INSRR: variants seen among roughly 807,000 people sequenced by gnomAD.
INSRR encodes the protein insulin receptor-related protein.
Under a neutral mutation model 130.0 loss-of-function variants are expected in INSRR, and 114 were observed. That is an observed-to-expected ratio of 0.88 (90% CI 0.75 to 1.02). The LOEUF (loss-of-function observed/expected upper bound fraction) is 1.02. Ranked by LOEUF, INSRR falls within the 50% of genes least tolerant of loss-of-function variation. INSRR has a pLI of 0.00. For synonymous variants in INSRR, 674 were observed against 705.2 expected (o/e 0.96, Z 0.70); for missense variants, 1,657 against 1,735.2 (o/e 0.95, Z 0.80).
chr1:156,857,483 T>C (rs910373799), intron 1 of INSRR, among the ~76,000 whole-genome samples: 2 of 152,008 alleles, frequency 1.3e-5, no homozygotes, highest in African/African-American at 4.8e-5. Flanking sequence ...AACATCTGGG[T>C]CCCCTGAGCA....
At position 156,843,036 on chromosome 1, in the gene INSRR, A is replaced by C. The variant is rs1193000618; in HGVS notation, c.3094T>G (p.Ser1032Ala). Residue 1032 changes from serine to alanine, a missense_variant, in exon 17 of 22, where the codon TCT becomes GCT. Coordinates refer to ENST00000368195, the MANE Select transcript of INSRR (RefSeq NM_014215.3). ...RECIEFLKEASVMKAFKCHHV... is the reference protein window; with the variant it reads ...RECIEFLKEAAVMKAFKCHHV... Reference sequence around the variant, plus strand: ...TGACACTTGAAGGCTTTCATGACAGAAGCTTCCTTGAGGAACTCAATGCAT... The same window carrying C: ...TGACACTTGAAGGCTTTCATGACAGCAGCTTCCTTGAGGAACTCAATGCAT... The C allele has an allele frequency of 6.2e-7, 1 of 1,613,920 alleles. No individual in the cohort carries two copies. The highest frequency in any genetic ancestry group is 8.5e-7 in the Non-Finnish European group (1 of 1,179,930).
At chr1:156,849,087 A>C in intron 6 of INSRR, 40 bp from the exon 7 acceptor site, 1 of 1,603,110 alleles carries the variant, frequency 6.2e-7, no homozygotes, top group Non-Finnish European at 8.5e-7. Flanking sequence ...CGCGCCTGCC[A>C]GCTGCTTGAG....
In INSRR at chr1:156,851,707, T is replaced by A; in HGVS notation, c.1023A>T (p.Ala341=). 6.2e-7 allele frequency: 1 copy of A among 1,614,234 alleles called. No homozygotes were observed. The highest frequency in any genetic ancestry group is 1.7e-5 in the Admixed American group (1 of 60,030). The change falls in exon 4 of 22, where the codon GCA becomes GCT. Residue 341 remains alanine, a synonymous_variant. Transcript: ENST00000368195. ...GTKTIDSIQA[A]QDLVGCTHVE... ...CATGCGTGCAGCCCACAAGATCCTG[T>A]GCCGCCTGGATGGAGTCGATGGTCT...
rs764836247 is a variant in INSRR, at chr1:156,846,525, G to A, written c.1804C>T (p.Pro602Ser). ...QSPIVYLRTL[P>S]AAPTVPQDVI... The stretch of plus-strand genomic sequence containing the variant: ...GCACCCTCCAAATGCCTACCTGCAG[G>A]CAGCGTTCGGAGGTAGACGATGGGA... Residue 602 changes from proline to serine, a missense_variant, in exon 8 of 22, where the codon CCT becomes TCT. Physicochemically the swap from Pro to Ser is moderately conservative, Grantham distance 74 (BLOSUM62 -1). Coordinates refer to ENST00000368195, the MANE Select transcript of INSRR (RefSeq NM_014215.3). The A allele has an allele frequency of 5.0e-6, 8 of 1,612,768 alleles. No individual in the cohort carries two copies. The highest frequency in any genetic ancestry group is 6.8e-6 in the Non-Finnish European group (8 of 1,178,922).
At position 156,851,382 on chromosome 1, in the gene INSRR, A is replaced by C. The variant is rs1171479476; in HGVS notation, c.1137T>G (p.Thr379=). The C allele has an allele frequency of 6.2e-7, 1 of 1,614,190 alleles. No individual in the cohort carries two copies. The highest frequency in any genetic ancestry group is 8.5e-7 in the Non-Finnish European group (1 of 1,180,004). The change falls in exon 5 of 22, where the codon ACT becomes ACG. Residue 379 remains threonine, a synonymous_variant. Coordinates refer to ENST00000368195, the MANE Select transcript of INSRR (RefSeq NM_014215.3). The part of the protein sequence containing the change: ...QHSLGLVETI[T]GFLKIKHSFA... ...AGGAGTGCTTGATTTTGAGGAAGCC[A>C]GTAATGGTTTCTACCAGCCCCAGGC... is the stretch of plus-strand genomic sequence containing the variant.
At position 156,841,480 on chromosome 1, in the gene INSRR, G is replaced by C. The variant is rs756041845; in HGVS notation, c.3576C>G (p.Pro1192=). The stretch of plus-strand genomic sequence containing the variant: ...CCTGCTCATTGGACAGGCCCTGGTA[G>C]GGTTGTTCTGCCAGGGTCACAATCT... ...LWEIVTLAEQ[P]YQGLSNEQVL... is the part of the protein sequence containing the mutation. The change falls in exon 21 of 22, where the codon CCC becomes CCG. Residue 1192 remains proline (P), a synonymous_variant. Transcript: ENST00000368195. 5.6e-6 allele frequency: 9 copies of C among 1,613,930 alleles called. No individual in the cohort carries two copies.
Position 156,852,033 on chromosome 1 carries a change from T to C in INSRR, c.796A>G (p.Thr266Ala). Reference protein sequence around the residue: ...GACLWACPPGTYQYESWRCVT... With the variant: ...GACLWACPPGAYQYESWRCVT... ...CAGCGCCAGGACTCATACTGGTAGG[T>C]GCCTGGCGGGCAGGCCCACAGGCAG... Residue 266 changes from threonine (T) to alanine (A), a missense_variant, in exon 3 of 22, where the codon ACC (threonine) becomes GCC (alanine). Thr to Ala is a moderately conservative substitution (Grantham distance 58). Transcript: ENST00000368195. The C allele has an allele frequency of 1.2e-6, 2 of 1,613,096 alleles. No homozygotes were observed. Among genetic ancestry groups the C allele is most frequent in the Non-Finnish European group, 8.5e-7 (1 of 1,179,806 alleles).
At position 156,842,341 on chromosome 1, in the gene INSRR, A is replaced by G. The variant is rs1571656351; in HGVS notation, c.3237+57T>C. On this transcript the variant is annotated intron_variant, in intron 18 of 21. Transcript: ENST00000368195. ...GGTCTCCTGTCCAGAACTGGCCCCC[A>G]CCTCCCACACTGTGCCCAACCCTTC... 6.8e-6 allele frequency: 11 copies of G among 1,611,252 alleles called. 1 individual carries two copies. The South Asian group carries it at 1.1e-4, about 16-fold the overall frequency.
In INSRR at chr1:156,844,587, G is replaced by T. The variant is rs773054027; in HGVS notation, c.2612C>A (p.Ala871Glu). 22 of 1,614,026 alleles carry T rather than the reference G, an allele frequency of 1.4e-5. No individual in the cohort carries two copies. The highest frequency in any genetic ancestry group is 4.5e-5 in the East Asian group (2 of 44,878). ...GGCCAGGTGGACTCCCCCAAACTTC[G>T]CATATCGAAGACGGGACACACACAG... is the stretch of plus-strand genomic sequence containing the variant. ...TVLCVSRLRY[A>E]KFGGVHLALL... is the part of the protein sequence containing the mutation. The change falls in exon 14 of 22, where the codon GCG becomes GAG. Residue 871 changes from alanine to glutamate, a missense_variant. Physicochemically the swap from Ala to Glu is moderately radical, Grantham distance 107. Transcript: ENST00000368195.
Position 156,854,538 on chromosome 1 carries a change from A to G in INSRR, c.86-235T>C, listed in dbSNP as rs939896670. On this transcript the variant is annotated intron_variant, in intron 1 of 21. Transcript: ENST00000368195. The surrounding 1 kb of genome is among the most constrained non-coding windows in gnomAD (Gnocchi z 4.2). ...AATGAACTCCTGATCCTCTCTCCCA[A>G]GCCCATCTCCCCTTCTTGGTTAATA... Among the ~76,000 whole-genome samples, 2 of 151,354 alleles carry G rather than the reference A, an allele frequency of 1.3e-5. No individual in the cohort carries two copies. Among genetic ancestry groups the G allele is most frequent in the Admixed American group, 1.3e-4 (2 of 15,196 alleles).
chr1:156,842,661 C>G (rs920672189), intron 17 of INSRR, among the ~76,000 whole-genome samples, 153 bp from the exon 18 acceptor site: 2 of 152,196 alleles, frequency 1.3e-5, no homozygotes, highest in African/African-American at 4.8e-5. Context: ...TAACAATGAC[C>G]CTGACCCTAA....
intron 9 of INSRR, 66 bp from the exon 10 acceptor site, chr1:156,845,880 G>C: frequency 6.3e-7 from 1 of 1,598,618 alleles, no homozygotes; most frequent in South Asian, 1.1e-5. Flanking sequence ...CCCCCCACCT[G>C]CCGGGGCCCT....
chr1:156,854,540 C>T lies in INSRR; in HGVS notation c.86-237G>A, dbSNP rs752582008. 1.3e-5 allele frequency among the ~76,000 whole-genome samples: 2 copies of T among 152,182 alleles called. No homozygotes were observed. Among genetic ancestry groups the T allele is most frequent in the African/African-American group, 2.4e-5 (1 of 41,446 alleles). On this transcript the variant is annotated intron_variant, in intron 1 of 21. Coordinates refer to ENST00000368195, the MANE Select transcript of INSRR (RefSeq NM_014215.3). The surrounding 1 kb of genome is among the most constrained non-coding windows in gnomAD (Gnocchi z 4.2). ...TGAACTCCTGATCCTCTCTCCCAAG[C>T]CCATCTCCCCTTCTTGGTTAATAGC...
At chr1:156,849,210 G>A (rs1655118372) in intron 6 of INSRR, 36 bp downstream of exon 6, 2 of 1,609,026 alleles carry the variant, frequency 1.2e-6, no homozygotes, top group Non-Finnish European at 1.7e-6. Context: ...CTAGTGTGTG[G>A]CCGCGTGTCC....
rs56377825 is a variant in INSRR, at chr1:156,852,093, A to G, written c.736T>C (p.Cys246Arg). The G allele has an allele frequency of 2.0e-3, 3,164 of 1,613,706 alleles. 2 individuals are homozygous for G. Among genetic ancestry groups the G allele is most frequent in the Non-Finnish European group, 2.3e-3 (2,720 of 1,179,976 alleles). ...GCSQPEDPRA[C>R]VACRHLYFQG... ...AAGTAGAGGTGGCGGCAAGCTACAC[A>G]GGCACGAGGGTCTTCTGGCTGGCTG... The change falls in exon 3 of 22, where the codon TGT (cysteine) becomes CGT (arginine). Residue 246 changes from cysteine (C) to arginine (R), a missense_variant. Physicochemically the swap from Cys to Arg is radical, Grantham distance 180 (BLOSUM62 -3). Coordinates refer to ENST00000368195, the MANE Select transcript of INSRR (RefSeq NM_014215.3).
Position 156,846,640 on chromosome 1 carries a change from G to A in INSRR, c.1689C>T (p.Ala563=), listed in dbSNP as rs568446154. 2 of 1,614,056 alleles carry A rather than the reference G, an allele frequency of 1.2e-6. No individual in the cohort carries two copies. The highest frequency in any genetic ancestry group is 1.3e-5 in the African/African-American group (1 of 74,934). ...SRTQEPGVTL[A]SLKPWTQYAV... ...CGTACTGTGTCCAAGGCTTGAGGGAGGCTAGGGTCACCCCTGGCTCCTGGG... is the reference window on the plus strand; with the variant it reads ...CGTACTGTGTCCAAGGCTTGAGGGAAGCTAGGGTCACCCCTGGCTCCTGGG... The change falls in exon 8 of 22, where the codon GCC becomes GCT. Residue 563 remains alanine, a synonymous_variant. Transcript: ENST00000368195.
In INSRR at chr1:156,840,968, C is replaced by G; in HGVS notation, c.3799G>C (p.Gly1267Arg). The change falls in exon 22 of 22, where the codon GGG becomes CGG. Residue 1267 changes from glycine (G) to arginine (R), a missense_variant. Transcript: ENST00000368195. ...LSFYYSPECR[G>R]ARGSLPTTDA... Reference sequence around the variant, plus strand: ...GTGGTAGGCAGGGAGCCCCGGGCCCCCCGGCATTCCGGGCTGTAGTAGAAG... The same window carrying G: ...GTGGTAGGCAGGGAGCCCCGGGCCCGCCGGCATTCCGGGCTGTAGTAGAAG... 6.2e-7 allele frequency: 1 copy of G among 1,613,826 alleles called. No homozygotes were observed. Among genetic ancestry groups the G allele is most frequent in the Non-Finnish European group, 8.5e-7 (1 of 1,179,922 alleles).
Position 156,841,566 on chromosome 1 carries a change from C to CA in INSRR, c.3528-39_3528-38insT, listed in dbSNP as rs546911132. 1.6e-5 allele frequency: 26 copies of CA among 1,613,506 alleles called. No homozygotes were observed. The East Asian group carries it at 5.6e-4, about 35-fold the overall frequency. ...AGGAGCTCCTGAGCCCAGCACCCTT[C>CA]GTGCTACTCAGTGCATTCCAAGGGA... On this transcript the variant is annotated intron_variant, in intron 20 of 21. Transcript: ENST00000368195.
chr1:156,845,541 A>AAACC, intron 10 of INSRR, 78 bp downstream of exon 10: 1 of 1,288,360 alleles, frequency 7.8e-7, no homozygotes, highest in Non-Finnish European at 1.1e-6. Context: ...CCACCCACAA[A>AAACC]CCCCACCCCT....
Sources: gnomAD v4.1 joint callset for allele counts (sites outside exome capture counted in the v4.1 genomes callset) on GRCh38, gnomAD v4.1.1 for gene constraint, Gnocchi (gnomAD v3.1) non-coding constraint, MANE v1.5 for transcripts, NCBI Gene and HGNC (gene_info 2026-07-23, HGNC 2026-07-21) for gene names.